CAST: variants seen among roughly 807,000 people sequenced by gnomAD.
CAST encodes calpastatin.
In CAST, 76 loss-of-function variants were observed where a neutral mutation model predicts 119.6. That is an observed-to-expected ratio of 0.64 (90% CI 0.53 to 0.77). The LOEUF (loss-of-function observed/expected upper bound fraction) is 0.77, where lower values mean the gene tolerates loss of function less well. CAST is among the 30% of genes least tolerant of loss of function. CAST has a pLI of 0.00. For synonymous variants in CAST, 319 were observed against 331.6 expected, an observed-to-expected ratio of 0.96 and a Z score of 0.41; for missense variants, 953 against 946.5, an observed-to-expected ratio of 1.01 and a Z score of -0.09.
At chr5:96,191,911 G>A in the CAST span, among the ~76,000 whole-genome samples, 1 of 152,102 alleles carries the variant, frequency 6.6e-6, no homozygotes, top group African/African-American at 2.4e-5. Context: ...TTTAAGAAGA[G>A]TCAAAAAACA....
At chr5:96,664,419 A>G (rs1348512085) in intron 1 of CAST, among the ~76,000 whole-genome samples, 2 of 151,960 alleles carry the variant, frequency 1.3e-5, no homozygotes, top group Non-Finnish European at 2.9e-5. Context: ...ATATATGCAC[A>G]CACACACACA....
intron 24 of CAST, chr5:96,760,972 C>T (rs1767749526): frequency 6.6e-6 from 1 of 151,882 alleles, no homozygotes; most frequent in Non-Finnish European, 1.5e-5. Context: ...TAAACACTAG[C>T]ATATGTTATA....
chr5:96,499,343 G>A, the CAST span, among the ~76,000 whole-genome samples: 154 of 152,156 alleles, frequency 1.0e-3, no homozygotes, highest in Admixed American at 1.8e-3. Flanking sequence ...AAGAACTTTC[G>A]TTTCCAAGTG....
intron 19 of CAST, chr5:96,748,842 A>C: frequency 2.6e-6 from 1 of 388,552 alleles, no homozygotes; most frequent in Non-Finnish European, 4.6e-6. Flanking sequence ...TCTGGAACCC[A>C]TGCCTTCCTT....
At chr5:96,657,092 GA>G (rs561581224), upstream of CAST, among the ~76,000 whole-genome samples, 35 of 152,334 alleles carry the variant, frequency 2.3e-4, no homozygotes, top group African/African-American at 7.7e-4. Flanking sequence ...AATGTGAAGT[GA>G]TCTGCAACAA....
the CAST span, among the ~76,000 whole-genome samples, chr5:96,265,079 TG>T: frequency 6.6e-6 from 1 of 152,198 alleles, no homozygotes; most frequent in Non-Finnish European, 1.5e-5. Context: ...TGTATGTATT[TG>T]GTCTAAATAG....
chr5:96,058,807 G>T, the CAST span, among the ~76,000 whole-genome samples: 1 of 152,096 alleles, frequency 6.6e-6, no homozygotes, highest in African/African-American at 2.4e-5. Flanking sequence ...CAAAAAAGCC[G>T]AAGTGTGAAA....
chr5:96,183,081 G>A, the CAST span, among the ~76,000 whole-genome samples: 1 of 151,750 alleles, frequency 6.6e-6, no homozygotes, highest in African/African-American at 2.4e-5. Context: ...GGAGCTTGCA[G>A]TGAGCCGAGA....
At chr5:96,627,517 A>G (rs1486200649) in intron 1 of CAST, among the ~76,000 whole-genome samples, 2 of 152,196 alleles carry the variant, frequency 1.3e-5, no homozygotes, top group Non-Finnish European at 2.9e-5. Context: ...ACATTTTTTG[A>G]TAATTTTACT....
At chr5:96,663,346 G>A (rs1259502242) in intron 1 of CAST, among the ~76,000 whole-genome samples, 1 of 152,202 alleles carries the variant, frequency 6.6e-6, no homozygotes, top group East Asian at 1.9e-4. Context: ...AGAGGCAGGG[G>A]ACTCACCCTC....
intron 2 of CAST, among the ~76,000 whole-genome samples, chr5:96,681,491 T>A (rs113861345): frequency 0.027 from 4,064 of 152,108 alleles, 184 homozygotes; most frequent in African/African-American, 0.092. Context: ...CCCAGCACTT[T>A]GGGAGGCCGA....
intron 3 of CAST, among the ~76,000 whole-genome samples, chr5:96,719,882 C>G (rs1012893994): frequency 1.3e-5 from 2 of 152,120 alleles, no homozygotes; most frequent in Admixed American, 1.3e-4. Flanking sequence ...CCTGAGCGAT[C>G]CCTCCTTATC....
intron 1 of CAST, among the ~76,000 whole-genome samples, chr5:96,561,562 G>GT (rs1746361846): frequency 2.0e-5 from 3 of 151,224 alleles, no homozygotes; most frequent in South Asian, 4.2e-4. Context: ...GGGGCCTGTT[G>GT]GGGGTGGGGA....
chr5:96,599,506 G>T (rs911709781), intron 1 of CAST, among the ~76,000 whole-genome samples: 7 of 152,100 alleles, frequency 4.6e-5, no homozygotes, highest in African/African-American at 1.7e-4. Context: ...TAAGAACCTG[G>T]AAGTCTTAAT....
At chr5:96,212,155 TTTC>T in the CAST span, among the ~76,000 whole-genome samples, 1 of 152,124 alleles carries the variant, frequency 6.6e-6, no homozygotes, top group Non-Finnish European at 1.5e-5. Context: ...TGAATTTTAT[TTTC>T]TTCTATTTAT....
At chr5:96,660,331 T>C (rs1748251274), upstream of CAST, among the ~76,000 whole-genome samples, 1 of 152,216 alleles carries the variant, frequency 6.6e-6, no homozygotes, top group African/African-American at 2.4e-5. Context: ...TCACACACTG[T>C]TAGGTCTTTC....
At chr5:96,345,676 G>C in the CAST span, among the ~76,000 whole-genome samples, 2 of 152,156 alleles carry the variant, frequency 1.3e-5, no homozygotes. Context: ...CCATCTGAAG[G>C]CTTAACTGAG....
chr5:96,196,896 T>TTTGTG, the CAST span, among the ~76,000 whole-genome samples: 2 of 152,198 alleles, frequency 1.3e-5, no homozygotes, highest in South Asian at 4.1e-4. Context: ...TAGCAGACTG[T>TTTGTG]TACATTAGTT....
the CAST span, chr5:96,397,362 T>C: frequency 6.2e-7 from 1 of 1,612,788 alleles, no homozygotes; most frequent in Non-Finnish European, 8.5e-7. Flanking sequence ...AAAGTCCAAG[T>C]ACCTATAGGG....
Sources: allele counts gnomAD v4.1 joint callset (sites outside exome capture counted in the v4.1 genomes callset), GRCh38; gene constraint gnomAD v4.1.1; transcripts MANE v1.5; gene names NCBI Gene and HGNC (gene_info 2026-07-23, HGNC 2026-07-21).